Variants in ASB5 observed in about 807,000 individuals in gnomAD.
ASB5 encodes ankyrin repeat and SOCS box containing 5, also known as ankyrin repeat and SOCS box protein 5.
Under a neutral mutation model 42.1 loss-of-function variants are expected in ASB5, and 45 were observed. The observed-to-expected ratio is 1.07, with a 90% CI of 0.84 to 1.37. The LOEUF (loss-of-function observed/expected upper bound fraction) is 1.37, where lower values mean the gene tolerates loss of function less well. ASB5 is among the 40% of genes most tolerant of loss of function. ASB5 has a pLI of 0.00. For synonymous variants in ASB5, 147 were observed against 150.6 expected, an observed-to-expected ratio of 0.98 and a Z score of 0.18; for missense variants, 402 against 399.8, an observed-to-expected ratio of 1.01 and a Z score of -0.05.
At chr4:176,244,255 A>T (rs1370085342) in intron 1 of ASB5, among the ~76,000 whole-genome samples, 1 of 152,230 alleles carries the variant, frequency 6.6e-6, no homozygotes, top group East Asian at 1.9e-4. Context: ...GAATAAAATT[A>T]TAGCCATAAT....
upstream of ASB5, among the ~76,000 whole-genome samples, chr4:176,272,847 T>C (rs755698985): frequency 6.6e-6 from 1 of 151,960 alleles, no homozygotes; most frequent in Non-Finnish European, 1.5e-5. Context: ...AGATTGAAAA[T>C]ATCAATGGGT....
chr4:176,264,686 A>G (rs1380441110), intron 1 of ASB5, among the ~76,000 whole-genome samples: 1 of 152,138 alleles, frequency 6.6e-6, no homozygotes, highest in Non-Finnish European at 1.5e-5. Flanking sequence ...CCTTGGCTGG[A>G]GGCTGCCTGC....
At chr4:176,219,140 A>G (rs1343119521) in intron 5 of ASB5, among the ~76,000 whole-genome samples, 1 of 120,074 alleles carries the variant, frequency 8.3e-6, no homozygotes, top group Admixed American at 1.0e-4. Context: ...TTTGTATGAT[A>G]TATAAATATA....
intron 5 of ASB5, among the ~76,000 whole-genome samples, chr4:176,218,218 GATATAAAT>G (rs1372326542): frequency 6.9e-5 from 2 of 29,184 alleles, no homozygotes; most frequent in Non-Finnish European, 1.3e-4. Context: ...ATATTTGTAT[GATATAAAT>G]ATATATATAT....
chr4:176,232,051 T>C (rs1460759184), intron 1 of ASB5, among the ~76,000 whole-genome samples: 1 of 151,886 alleles, frequency 6.6e-6, no homozygotes, highest in African/African-American at 2.4e-5. Flanking sequence ...TGACATTTCA[T>C]ATAACATGTT....
At chr4:176,276,765 T>C (rs1167041858) in intron 1 of ASB5, among the ~76,000 whole-genome samples, 1 of 152,182 alleles carries the variant, frequency 6.6e-6, no homozygotes, top group Non-Finnish European at 1.5e-5. Flanking sequence ...TAACAGCAAA[T>C]ACATCTTGTT....
chr4:176,269,910 A>G (rs1754435946), upstream of ASB5, among the ~76,000 whole-genome samples: 1 of 152,210 alleles, frequency 6.6e-6, no homozygotes, highest in Non-Finnish European at 1.5e-5. Flanking sequence ...TAAACCTGGG[A>G]GGGAGGTGTC....
At chr4:176,225,087 T>TA (rs1753338305) in intron 2 of ASB5, among the ~76,000 whole-genome samples, 175 bp downstream of exon 2, 1 of 152,170 alleles carries the variant, frequency 6.6e-6, no homozygotes, top group African/African-American at 2.4e-5. Flanking sequence ...TATCAAAATA[T>TA]TTATAAAAGA....
intron 2 of ASB5, among the ~76,000 whole-genome samples, chr4:176,224,021 T>C (rs1487528367): frequency 6.6e-6 from 1 of 152,108 alleles, no homozygotes; most frequent in African/African-American, 2.4e-5. Flanking sequence ...AGTGTCTCAC[T>C]CTACAGATGA....
At chr4:176,270,139 A>C (rs917755999), upstream of ASB5, among the ~76,000 whole-genome samples, 3 of 152,242 alleles carry the variant, frequency 2.0e-5, no homozygotes, top group Non-Finnish European at 2.9e-5. Flanking sequence ...ATACAGCAGC[A>C]ATATTTTGGC....
chr4:176,220,699 T>A (rs1753179364), intron 5 of ASB5, among the ~76,000 whole-genome samples: 1 of 152,164 alleles, frequency 6.6e-6, no homozygotes, highest in South Asian at 2.1e-4. Flanking sequence ...GGACAGAAAG[T>A]ACAAAGTCTA....
chr4:176,234,207 C>A (rs1474607718), intron 1 of ASB5, among the ~76,000 whole-genome samples: 3 of 152,178 alleles, frequency 2.0e-5, no homozygotes, highest in Non-Finnish European at 4.4e-5. Context: ...AATCCCATGG[C>A]TTCCCTTCAC....
At chr4:176,276,231 C>CA (rs1226436915) in intron 1 of ASB5, among the ~76,000 whole-genome samples, 2 of 152,154 alleles carry the variant, frequency 1.3e-5, no homozygotes, top group Non-Finnish European at 2.9e-5. Context: ...AAGAGCTCAA[C>CA]AAATATTAGC....
In ASB5 at chr4:176,269,172, T is replaced by G; in HGVS notation, c.-64A>C. On this transcript the variant is annotated 5_prime_UTR_variant, in exon 1 of 7. Coordinates refer to ENST00000296525, the MANE Select transcript of ASB5 (RefSeq NM_080874.4). ...AAGTCTCAAATGTGCCTGGCTCTCG[T>G]CCGGGATGCTCCTGAACAGCTGGTC... 3.4e-6 allele frequency: 5 copies of G among 1,461,946 alleles called. No individual in the cohort carries two copies. The South Asian group carries it at 6.4e-5, about 19-fold the overall frequency. 90.6% of individuals were successfully genotyped at this position (1,461,946 alleles called of 1,614,324 possible).
rs1240417406 is a variant in ASB5 at position 176,214,867 on chromosome 4, G to A, written c.*733C>T. 1 of 152,048 alleles carries A rather than the reference G, an allele frequency of 6.6e-6. No individual in the cohort carries two copies. The highest frequency in any genetic ancestry group is 2.4e-5 in the African/African-American group (1 of 41,404). The allele number at this position is 152,048 out of a possible 1,614,324, so 9.4% of individuals were successfully genotyped here. A position where few individuals can be genotyped will look rare whatever the true frequency, so the allele number is the denominator to read the frequency against. ...ACCGCCTTGATAAGAGATCATCAGG[G>A]GCTACTCCTGAGAAGGAGGCAGTCT... is the stretch of plus-strand genomic sequence containing the variant. On this transcript the variant is annotated 3_prime_UTR_variant, in exon 7 of 7. Coordinates refer to ENST00000296525, the MANE Select transcript of ASB5 (RefSeq NM_080874.4).
upstream of ASB5, among the ~76,000 whole-genome samples, chr4:176,271,770 G>A (rs917037286): frequency 6.6e-6 from 1 of 152,070 alleles, no homozygotes; most frequent in Non-Finnish European, 1.5e-5. Context: ...AATGAGAAAA[G>A]TTGGGCTCAG....
intron 1 of ASB5, among the ~76,000 whole-genome samples, chr4:176,240,344 A>G (rs947202590): frequency 2.0e-5 from 3 of 152,218 alleles, no homozygotes; most frequent in Non-Finnish European, 2.9e-5. Flanking sequence ...TATGAAACAA[A>G]GGCAATTCTA....
intron 1 of ASB5, among the ~76,000 whole-genome samples, chr4:176,254,392 C>G (rs1255997110): frequency 1.3e-5 from 2 of 152,124 alleles, no homozygotes; most frequent in Non-Finnish European, 2.9e-5. Context: ...CTTCCTTACA[C>G]CACATACAAA....
chr4:176,261,922 AT>A (rs1754274313), intron 1 of ASB5, among the ~76,000 whole-genome samples: 1 of 150,862 alleles, frequency 6.6e-6, no homozygotes. Flanking sequence ...TTTATATTAT[AT>A]ATTAGTTATG....
Sources: allele counts gnomAD v4.1 joint callset (sites outside exome capture counted in the v4.1 genomes callset), GRCh38; gene constraint gnomAD v4.1.1; transcripts MANE v1.5; gene names NCBI Gene and HGNC (gene_info 2026-07-23, HGNC 2026-07-21).